The following LMO7 variants were observed in gnomAD, a reference collection of about 807,000 sequenced individuals.
The protein encoded by LMO7 is LIM domain only protein 7.
In LMO7, 120 loss-of-function variants were observed where a neutral mutation model predicts 206.5. The ratio of observed to expected loss-of-function variants is 0.58; its 90% CI spans 0.50 to 0.68. LMO7 has a LOEUF of 0.68. LMO7 is among the 30% of genes least tolerant of loss of function. The pLI, the probability that LMO7 is intolerant of heterozygous loss-of-function variation, is 0.00. For missense variants in LMO7, 1,959 were observed against 1,957.9 expected (o/e 1.00, Z -0.01); for synonymous variants, 706 against 681.5 (o/e 1.04, Z -0.56).
intron 1 of LMO7, among the ~76,000 whole-genome samples, chr13:75,708,172 C>T (rs540239913): frequency 2.5e-4 from 38 of 152,164 alleles, no homozygotes; most frequent in Non-Finnish European, 2.5e-4. Context: ...CCACTACAAA[C>T]TAATAAGCAG....
At chr13:75,850,806 T>C (rs1479293926) in intron 27 of LMO7, among the ~76,000 whole-genome samples, 3 of 151,956 alleles carry the variant, frequency 2.0e-5, no homozygotes, top group African/African-American at 7.2e-5. Context: ...CTGCCACACA[T>C]TCTTTTTTTT....
chr13:75,775,292 G>A (rs528187776), intron 4 of LMO7, among the ~76,000 whole-genome samples: 9 of 151,870 alleles, frequency 5.9e-5, no homozygotes, highest in East Asian at 3.9e-4. Context: ...ACTTCTCACC[G>A]TATACAAAAA....
chr13:75,712,094 A>G (rs1032985731), intron 1 of LMO7, among the ~76,000 whole-genome samples: 7 of 152,180 alleles, frequency 4.6e-5, no homozygotes, highest in African/African-American at 1.7e-4. Flanking sequence ...GAGATGCAGA[A>G]TGAAGATACA....
chr13:75,760,032 C>T (rs2048022920), intron 3 of LMO7, among the ~76,000 whole-genome samples: 1 of 151,904 alleles, frequency 6.6e-6, no homozygotes, highest in South Asian at 2.1e-4. Flanking sequence ...ACAAGTTCAA[C>T]CCCATAAAGT....
chr13:75,796,806 C>T lies in LMO7; in HGVS notation c.462+57C>T, dbSNP rs941133235. 4 of 1,039,580 alleles carry T rather than the reference C, an allele frequency of 3.8e-6. No homozygotes were observed. The East Asian group carries it at 7.2e-5, about 19-fold the overall frequency. 64.4% of individuals were successfully genotyped at this position (1,039,580 alleles called of 1,614,324 possible). Reference sequence around the variant, plus strand: ...CTGTAATACAGTATCACTGCTTTCCCTTCCTCCTCTCTTCTTTTTCTTCTC... The same window carrying T: ...CTGTAATACAGTATCACTGCTTTCCTTTCCTCCTCTCTTCTTTTTCTTCTC... On this transcript the variant is annotated intron_variant, in intron 6 of 30. Coordinates refer to ENST00000377534, the MANE Select transcript of LMO7 (RefSeq NM_001306080.2).
At chr13:75,623,098 G>GT (rs2033531981) in intron 1 of LMO7, among the ~76,000 whole-genome samples, 1 of 152,120 alleles carries the variant, frequency 6.6e-6, no homozygotes, top group African/African-American at 2.4e-5. Flanking sequence ...ATATAATTGT[G>GT]TTTGACTCTT....
chr13:75,856,521 T>C lies in LMO7; in HGVS notation c.4786T>C (p.Cys1596Arg). ...TGTTCCCCAGTGTGTTGCCTGTGAG[T>C]GTGACCTCGGAGGCTCTTCCTCAGG... The part of the protein sequence containing the change: ...LHCFKCVACE[C>R]DLGGSSSGAE... The change falls in exon 30 of 31, where the codon TGT becomes CGT. Residue 1596 changes from cysteine to arginine, a missense_variant. Cys to Arg is a radical substitution (Grantham distance 180). Transcript: ENST00000377534. 6.2e-7 allele frequency: 1 copy of C among 1,608,490 alleles called. No individual in the cohort carries two copies.
chr13:75,728,417 G>T (rs2044707144), intron 3 of LMO7, among the ~76,000 whole-genome samples: 1 of 152,082 alleles, frequency 6.6e-6, no homozygotes, highest in Non-Finnish European at 1.5e-5. Flanking sequence ...CTGCATAAAT[G>T]TCTTCTTTTG....
rs373867452 is a variant in LMO7 at position 75,853,270 on chromosome 13, C to T, written c.4543C>T (p.Pro1515Ser). Residue 1515 changes from proline to serine, a missense_variant, in exon 28 of 31, where the codon CCC (proline) becomes TCC (serine). Pro to Ser is a moderately conservative substitution (Grantham distance 74). Transcript: ENST00000377534. The part of the protein sequence containing the change: ...AYMRNPSSSV[P>S]PPSAGSVKTS... ...CATGCGGAACCCCTCCTCCAGCGTG[C>T]CCCCACCTTCAGCTGGCTCCGTGAA... 2.5e-6 allele frequency: 4 copies of T among 1,614,062 alleles called. No individual in the cohort carries two copies. The highest frequency in any genetic ancestry group is 1.1e-5 in the South Asian group (1 of 91,080).
At chr13:75,761,523 G>A (rs1383236547) in intron 4 of LMO7, among the ~76,000 whole-genome samples, 2 of 152,064 alleles carry the variant, frequency 1.3e-5, no homozygotes, top group African/African-American at 4.8e-5. Flanking sequence ...TAATGCCAAG[G>A]ACCTTGTCAG....
At chr13:75,796,571 A>G in intron 5 of LMO7, 65 bp from the exon 6 acceptor site, 2 of 888,092 alleles carry the variant, frequency 2.3e-6, no homozygotes. Flanking sequence ...ACTCACCTAT[A>G]TTTGAGCTTG....
intron 2 of LMO7, among the ~76,000 whole-genome samples, chr13:75,714,702 T>C (rs759761311): frequency 2.4e-4 from 36 of 152,192 alleles, no homozygotes; most frequent in Non-Finnish European, 5.0e-4. Context: ...TCAAATAGTG[T>C]TTAAGCTAAT....
intron 1 of LMO7, among the ~76,000 whole-genome samples, chr13:75,710,866 A>G (rs7991387): frequency 3.3e-5 from 5 of 151,306 alleles, no homozygotes; most frequent in African/African-American, 1.2e-4. Flanking sequence ...AGGGCATCCC[A>G]GTCTTGTGCC....
chr13:75,722,954 G>A (rs533812450), intron 2 of LMO7, among the ~76,000 whole-genome samples: 14 of 152,282 alleles, frequency 9.2e-5, no homozygotes, highest in African/African-American at 3.4e-4. Flanking sequence ...ACTCATAAGT[G>A]GGAGCTAAGC....
At chr13:75,775,923 A>C (rs1365697825) in intron 4 of LMO7, among the ~76,000 whole-genome samples, 8 of 151,518 alleles carry the variant, frequency 5.3e-5, no homozygotes, top group Non-Finnish European at 1.2e-4. Flanking sequence ...CAGAGAACTA[A>C]AAATAGAACT....
chr13:75,698,784 C>G (rs1011088692), intron 1 of LMO7, among the ~76,000 whole-genome samples: 4 of 151,968 alleles, frequency 2.6e-5, no homozygotes, highest in African/African-American at 9.7e-5. Context: ...TCTCAGTGTA[C>G]AGTTCAAATA....
chr13:75,717,201 A>G (rs2043615152), intron 2 of LMO7, among the ~76,000 whole-genome samples: 1 of 151,892 alleles, frequency 6.6e-6, no homozygotes, highest in Non-Finnish European at 1.5e-5. Flanking sequence ...GTCTCTATTA[A>G]AAATACAAAA....
At chr13:75,814,537 A>G (rs533972743) in intron 11 of LMO7, among the ~76,000 whole-genome samples, 59 of 152,338 alleles carry the variant, frequency 3.9e-4, no homozygotes, top group Non-Finnish European at 6.2e-4. Context: ...AAAGTGCTGA[A>G]TATTATCTAG....
At chr13:75,779,909 A>G (rs1454428153) in intron 4 of LMO7, among the ~76,000 whole-genome samples, 1 of 152,124 alleles carries the variant, frequency 6.6e-6, no homozygotes, top group East Asian at 1.9e-4. Context: ...AGTACAAAAG[A>G]GATAAATTTT....
Sources: gnomAD v4.1 joint callset for allele counts (sites outside exome capture counted in the v4.1 genomes callset) on GRCh38, gnomAD v4.1.1 for gene constraint, MANE v1.5 for transcripts, NCBI Gene and HGNC (gene_info 2026-07-23, HGNC 2026-07-21) for gene names.